The following PACRG variants were observed in gnomAD, a reference collection of about 807,000 sequenced individuals.
PACRG encodes parkin coregulated gene protein.
In PACRG, 29 loss-of-function variants were observed where a neutral mutation model predicts 29.7. The ratio of observed to expected loss-of-function variants is 0.98; its 90% CI spans 0.73 to 1.33. The LOEUF is 1.33. PACRG is among the 40% of genes most tolerant of loss of function. The pLI is 0.00. For missense variants in PACRG, 279 were observed against 316.2 expected (o/e 0.88, Z 0.89); for synonymous variants, 116 against 118.7 (o/e 0.98, Z 0.15).
chr6:163,226,592 G>T (rs1395638633), intron 4 of PACRG, among the ~76,000 whole-genome samples: 1 of 152,228 alleles, frequency 6.6e-6, no homozygotes, highest in Non-Finnish European at 1.5e-5. Context: ...CTCCACTTGA[G>T]GCCAAGGGGC....
At chr6:163,200,216 G>GA (rs1268941751) in intron 4 of PACRG, among the ~76,000 whole-genome samples, 8 of 152,096 alleles carry the variant, frequency 5.3e-5, no homozygotes, top group African/African-American at 1.7e-4. Context: ...TAAAAATACA[G>GA]AAAAAAAGGC....
At chr6:163,135,052 C>A (rs1234395411) in intron 4 of PACRG, among the ~76,000 whole-genome samples, 1 of 152,098 alleles carries the variant, frequency 6.6e-6, no homozygotes, top group Non-Finnish European at 1.5e-5. Context: ...TAACTAGAAA[C>A]AATACATTTT....
At chr6:162,833,541 G>T (rs564237923) in intron 2 of PACRG, among the ~76,000 whole-genome samples, 221 of 152,076 alleles carry the variant, frequency 1.5e-3, no homozygotes, top group African/African-American at 5.1e-3. Flanking sequence ...TGACTTTTTA[G>T]TAATTGCCAT....
intron 4 of PACRG, among the ~76,000 whole-genome samples, chr6:163,263,429 C>T (rs1783414069): frequency 6.6e-6 from 1 of 152,188 alleles, no homozygotes; most frequent in South Asian, 2.1e-4. Context: ...ACGTACAGAA[C>T]ACGCTGTGCG....
chr6:163,287,304 A>G (rs926210719), intron 4 of PACRG, among the ~76,000 whole-genome samples: 2 of 152,172 alleles, frequency 1.3e-5, no homozygotes, highest in East Asian at 3.9e-4. Flanking sequence ...AATCTGAACA[A>G]CGTTTTGGAA....
intron 2 of PACRG, among the ~76,000 whole-genome samples, chr6:162,875,479 C>T (rs1210334577): frequency 6.6e-6 from 1 of 152,208 alleles, no homozygotes; most frequent in Non-Finnish European, 1.5e-5. Flanking sequence ...ACACATGCTT[C>T]CTTCACCTGC....
chr6:162,981,235 A>T (rs892619228), intron 2 of PACRG, among the ~76,000 whole-genome samples: 3 of 151,272 alleles, frequency 2.0e-5, no homozygotes, highest in African/African-American at 7.3e-5. Context: ...TTGATGGCTG[A>T]GTAGTATTCC....
upstream of PACRG, chr6:162,727,601 T>G (rs1584139374): frequency 9.2e-6 from 14 of 1,530,014 alleles, no homozygotes; most frequent in East Asian, 3.2e-4. Context: ...AGGCGGGGCG[T>G]GGCGCCATAC....
At chr6:162,757,265 T>C (rs1781998220) in intron 1 of PACRG, among the ~76,000 whole-genome samples, 1 of 152,216 alleles carries the variant, frequency 6.6e-6, no homozygotes, top group African/African-American at 2.4e-5. Context: ...GATACTGATC[T>C]ATAATTTTTA....
intron 2 of PACRG, among the ~76,000 whole-genome samples, chr6:162,906,377 T>G (rs1795935186): frequency 1.3e-5 from 2 of 152,326 alleles, no homozygotes; most frequent in East Asian, 3.9e-4. Context: ...TTTAGAAATT[T>G]CTTTGACACT....
At chr6:162,878,374 G>C (rs567364990) in intron 2 of PACRG, among the ~76,000 whole-genome samples, 1 of 152,250 alleles carries the variant, frequency 6.6e-6, no homozygotes, top group East Asian at 1.9e-4. Flanking sequence ...CAATGTAGCT[G>C]TCTTGATAAT....
intron 2 of PACRG, among the ~76,000 whole-genome samples, chr6:163,038,473 G>A (rs1208382190): frequency 1.3e-5 from 2 of 152,176 alleles, no homozygotes; most frequent in Admixed American, 1.3e-4. Flanking sequence ...TTTGGTAGAT[G>A]AGTGACATGG....
chr6:163,238,134 G>A (rs1169301150), intron 4 of PACRG, among the ~76,000 whole-genome samples: 1 of 152,116 alleles, frequency 6.6e-6, no homozygotes, highest in South Asian at 2.1e-4. Flanking sequence ...GTTAATGATG[G>A]TGTGGACTAG....
chr6:162,885,636 T>C (rs1235711190), intron 2 of PACRG, among the ~76,000 whole-genome samples: 1 of 152,112 alleles, frequency 6.6e-6, no homozygotes, highest in East Asian at 1.9e-4. Flanking sequence ...TTGATGAAAA[T>C]GTGATCAGAG....
chr6:163,197,609 A>G (rs62429968), intron 4 of PACRG, among the ~76,000 whole-genome samples: 1 of 124,462 alleles, frequency 8.0e-6, no homozygotes, highest in Non-Finnish European at 1.7e-5. Flanking sequence ...ACGCCCGGCT[A>G]ATTTTTTTTT....
chr6:163,312,143 C>G (rs1042192964), intron 4 of PACRG, among the ~76,000 whole-genome samples: 1 of 152,198 alleles, frequency 6.6e-6, no homozygotes, highest in African/African-American at 2.4e-5. Context: ...CCTATGCAAA[C>G]AGGCCATGCC....
chr6:162,921,855 A>C (rs945616233), intron 2 of PACRG, among the ~76,000 whole-genome samples: 10 of 152,150 alleles, frequency 6.6e-5, no homozygotes, highest in Non-Finnish European at 1.3e-4. Context: ...CAGAGAGTTT[A>C]TTTAGAGACA....
intron 1 of PACRG, among the ~76,000 whole-genome samples, chr6:162,769,639 A>C (rs890470157): frequency 1.3e-5 from 2 of 152,098 alleles, no homozygotes; most frequent in African/African-American, 4.8e-5. Flanking sequence ...AAATGTTGGT[A>C]TAATATAAAC....
chr6:162,935,712 A>G (rs919192415), intron 2 of PACRG, among the ~76,000 whole-genome samples: 1 of 152,038 alleles, frequency 6.6e-6, no homozygotes, highest in African/African-American at 2.4e-5. Context: ...TTACTGGAGA[A>G]TTATTGTGTT....
Sources: allele counts gnomAD v4.1 joint callset (sites outside exome capture counted in the v4.1 genomes callset), GRCh38; gene constraint gnomAD v4.1.1; transcripts MANE v1.5; gene names NCBI Gene and HGNC (gene_info 2026-07-23, HGNC 2026-07-21).